Variants in ACTN2 observed in about 807,000 individuals in gnomAD.
The protein encoded by ACTN2 is actinin alpha 2.
Under a neutral mutation model 113.8 loss-of-function variants are expected in ACTN2, and 39 were observed. The ratio of observed to expected loss-of-function variants is 0.34; its 90% CI spans 0.27 to 0.45. The LOEUF is 0.45. ACTN2 is among the 20% of genes least tolerant of loss of function. The probability of loss-of-function intolerance (pLI) is 1.00; values close to 1 mark genes in which losing one functional copy is unlikely to be tolerated. For synonymous variants in ACTN2, 429 were observed against 444.1 expected (o/e 0.97, Z 0.43); for missense variants, 992 against 1,177.9 (o/e 0.84, Z 2.31).
intron 1 of ACTN2, among the ~76,000 whole-genome samples, chr1:236,715,887 C>T (rs1658190413): frequency 6.6e-6 from 1 of 152,008 alleles, no homozygotes; most frequent in Non-Finnish European, 1.5e-5. Context: ...ACTCGGGAGG[C>T]GGAGATTGCG....
chr1:236,715,492 T>C (rs918026493), intron 1 of ACTN2, among the ~76,000 whole-genome samples: 1 of 152,140 alleles, frequency 6.6e-6, no homozygotes, highest in Non-Finnish European at 1.5e-5. Context: ...ATGATAGGAA[T>C]GTTGTATATT....
At chr1:236,762,393 A>G in intron 20 of ACTN2, 68 bp from the exon 21 acceptor site, 1 of 1,582,706 alleles carries the variant, frequency 6.3e-7, no homozygotes, top group African/African-American at 1.3e-5. Flanking sequence ...GAAATATGTA[A>G]GTATTAAGAC....
chr1:236,734,424 T>C (rs1247428853), intron 7 of ACTN2: 2 of 1,529,704 alleles, frequency 1.3e-6, no homozygotes, highest in Admixed American at 2.0e-5. Flanking sequence ...CCTTCTTTTC[T>C]CCACACAGAT....
chr1:236,740,140 G>T (rs1445507115), intron 10 of ACTN2, among the ~76,000 whole-genome samples: 9 of 151,582 alleles, frequency 5.9e-5, no homozygotes, highest in African/African-American at 2.2e-4. Context: ...TGGAGACGGA[G>T]TCTCACTCTG....
chr1:236,759,646 A>T, intron 18 of ACTN2, 78 bp from the exon 19 acceptor site: 3 of 1,246,912 alleles, frequency 2.4e-6, no homozygotes, highest in Middle Eastern at 1.9e-4. Context: ...CTCTTACCAG[A>T]TCTTTGTTCA....
chr1:236,700,962 A>T (rs1657656480), intron 1 of ACTN2, among the ~76,000 whole-genome samples: 1 of 152,212 alleles, frequency 6.6e-6, no homozygotes, highest in Non-Finnish European at 1.5e-5. Context: ...GGAGCAGCAC[A>T]GTAGCCGGTG....
At chr1:236,688,334 C>T (rs1422163156) in intron 1 of ACTN2, among the ~76,000 whole-genome samples, 1 of 150,002 alleles carries the variant, frequency 6.7e-6, no homozygotes, top group Non-Finnish European at 1.5e-5. Context: ...GTCTGCCCAT[C>T]ATTTTTGAAA....
rs544401974 is a variant in ACTN2 at position 236,728,616 on chromosome 1, C to T, written c.615+860C>T. On this transcript the variant is annotated intron_variant, in intron 6 of 20. Transcript: ENST00000366578. ...TTGCATAAGAAGTTTTTGGGGCAGG[C>T]GTTTTTTTTTAGTTTTGCTTTTTTT... 4.4e-3 allele frequency among the ~76,000 whole-genome samples: 617 copies of T among 139,106 alleles called. 1 individual carries two copies. Among genetic ancestry groups the T allele is most frequent in the Non-Finnish European group, 7.2e-3 (470 of 65,606 alleles). The allele number at this position is 139,106 out of a possible 152,430, so 91.3% of individuals were successfully genotyped here.
chr1:236,744,148 A>T (rs1343549502), intron 11 of ACTN2, among the ~76,000 whole-genome samples: 3 of 152,332 alleles, frequency 2.0e-5, no homozygotes, highest in Admixed American at 1.3e-4. Flanking sequence ...TATTATCAGG[A>T]AAAACAAAGC....
At chr1:236,721,015 G>GGTTTTTGGTTTTTTTTTTTT in intron 4 of ACTN2, among the ~76,000 whole-genome samples, 1 of 49,138 alleles carries the variant, frequency 2.0e-5, no homozygotes, top group Non-Finnish European at 3.4e-5. Flanking sequence ...TCTGGTTTTT[G>GGTTTTTGGTTTTTTTTTTTT]TTTTTTGTTT....
chr1:236,739,177 A>G (rs1658987739), intron 9 of ACTN2, 125 bp from the exon 10 acceptor site: 4 of 993,922 alleles, frequency 4.0e-6, no homozygotes, highest in Non-Finnish European at 6.3e-6. Flanking sequence ...GCGTAGAGGT[A>G]CCACATCTCA....
At chr1:236,687,317 A>C (rs1349358666) in intron 1 of ACTN2, among the ~76,000 whole-genome samples, 3 of 152,152 alleles carry the variant, frequency 2.0e-5, no homozygotes, top group Non-Finnish European at 4.4e-5. Context: ...ATTTACCGAT[A>C]GTGACAATTA....
chr1:236,747,497 C>T (rs1659270487), intron 12 of ACTN2, among the ~76,000 whole-genome samples, 170 bp from the exon 13 acceptor site: 1 of 152,118 alleles, frequency 6.6e-6, no homozygotes. Flanking sequence ...CCTTCCACCC[C>T]CTCACCCTTC....
intron 10 of ACTN2, 53 bp from the exon 11 acceptor site, chr1:236,742,843 G>A (rs1050486203): frequency 1.1e-5 from 18 of 1,612,144 alleles, no homozygotes; most frequent in East Asian, 2.2e-5. Flanking sequence ...AGGCCAGAAT[G>A]TAACGAAGGT....
At chr1:236,738,098 C>CTT in intron 9 of ACTN2, among the ~76,000 whole-genome samples, 1 of 151,764 alleles carries the variant, frequency 6.6e-6, no homozygotes, top group South Asian at 2.1e-4. Flanking sequence ...CAACCTCCGC[C>CTT]CCCAGGGTTC....
Position 236,751,502 on chromosome 1 carries a change from C to T in ACTN2, c.1689C>T (p.Ala563=), listed in dbSNP as rs1659392474. ...SLITAHEQFK[A]TLPEADGERQ... ...TCACTGCGCATGAGCAGTTCAAGGC[C>T]ACGCTGCCCGAGGCGGACGGAGAGC... Residue 563 remains alanine (A), a synonymous_variant, in exon 15 of 21, where the codon GCC becomes GCT. Transcript: ENST00000366578. The T allele has an allele frequency of 6.2e-7, 1 of 1,614,124 alleles. No homozygotes were observed. Among genetic ancestry groups the T allele is most frequent in the East Asian group, 2.2e-5 (1 of 44,888 alleles).
chr1:236,724,671 G>T (rs1356162635), intron 4 of ACTN2, among the ~76,000 whole-genome samples: 1 of 152,202 alleles, frequency 6.6e-6, no homozygotes, highest in East Asian at 1.9e-4. Flanking sequence ...CCCAGTCTTT[G>T]GCTGGAGCAG....
At chr1:236,741,087 C>G (rs1203451711) in intron 10 of ACTN2, among the ~76,000 whole-genome samples, 3 of 152,010 alleles carry the variant, frequency 2.0e-5, no homozygotes, top group African/African-American at 7.2e-5. Context: ...CTCTGTCACC[C>G]AGATTGGAGT....
intron 1 of ACTN2, among the ~76,000 whole-genome samples, chr1:236,704,929 G>C (rs917248091): frequency 1.3e-5 from 2 of 152,240 alleles, no homozygotes; most frequent in African/African-American, 2.4e-5. Context: ...ACTCTTCTTA[G>C]CCTGTCTGTG....
Sources: gnomAD v4.1 joint callset for allele counts (sites outside exome capture counted in the v4.1 genomes callset) on GRCh38, gnomAD v4.1.1 for gene constraint, MANE v1.5 for transcripts, NCBI Gene and HGNC (gene_info 2026-07-23, HGNC 2026-07-21) for gene names.